SNX29: variants seen among roughly 807,000 people sequenced by gnomAD.
The protein encoded by SNX29 is sorting nexin-29.
SNX29 carries 78 observed loss-of-function variants against 102.1 expected under a neutral mutation model. That is an observed-to-expected ratio of 0.76 (90% CI 0.64 to 0.92). The LOEUF (loss-of-function observed/expected upper bound fraction) is 0.92. Ranked by LOEUF, SNX29 falls within the 40% of genes least tolerant of loss-of-function variation. The pLI, the probability that SNX29 is intolerant of heterozygous loss-of-function variation, is 0.00. For missense variants in SNX29, 1,280 were observed against 1,061.7 expected (o/e 1.21, Z -2.86); for synonymous variants, 580 against 414.5 (o/e 1.40, Z -4.85).
At chr16:12,474,243 G>T (rs376850658) in intron 18 of SNX29, among the ~76,000 whole-genome samples, 1 of 152,288 alleles carries the variant, frequency 6.6e-6, no homozygotes, top group African/African-American at 2.4e-5. Context: ...ATTAACTTGC[G>T]GCTGGGCAGT....
At chr16:12,030,786 C>T (rs539161026) in intron 4 of SNX29, among the ~76,000 whole-genome samples, 158 of 152,266 alleles carry the variant, frequency 1.0e-3, no homozygotes, top group African/African-American at 3.7e-3. Context: ...GGCTCTCTTC[C>T]CTACTGGCTG....
At chr16:12,421,621 C>T (rs566285776) in intron 18 of SNX29, among the ~76,000 whole-genome samples, 7 of 152,302 alleles carry the variant, frequency 4.6e-5, no homozygotes, top group South Asian at 2.1e-4. Flanking sequence ...GAGAACTTGA[C>T]GCAATGTCTG....
intron 19 of SNX29, among the ~76,000 whole-genome samples, chr16:12,492,998 T>C (rs1567619439): frequency 6.6e-6 from 1 of 152,244 alleles, no homozygotes; most frequent in Non-Finnish European, 1.5e-5. Flanking sequence ...TGGCTTAGGA[T>C]TGACTTGGCA....
chr16:12,252,556 T>C (rs1301137827), intron 14 of SNX29, among the ~76,000 whole-genome samples: 1 of 152,234 alleles, frequency 6.6e-6, no homozygotes, highest in African/African-American at 2.4e-5. Context: ...CATCACCCAA[T>C]AATAATCACA....
chr16:12,403,423 GTCTC>G (rs755622704), intron 17 of SNX29, 21 bp from the exon 18 acceptor site: 123 of 1,577,504 alleles, frequency 7.8e-5, no homozygotes, highest in Non-Finnish European at 8.8e-5. Context: ...TCTAATGTTG[GTCTC>G]TCTCTCTTCC....
At chr16:12,369,862 C>T (rs1184971432) in intron 16 of SNX29, among the ~76,000 whole-genome samples, 1 of 152,198 alleles carries the variant, frequency 6.6e-6, no homozygotes, top group East Asian at 1.9e-4. Flanking sequence ...GTCACACCTT[C>T]CGCACAAGTT....
intron 18 of SNX29, among the ~76,000 whole-genome samples, chr16:12,434,940 T>C (rs1402247114): frequency 6.7e-6 from 1 of 148,294 alleles, no homozygotes; most frequent in Non-Finnish European, 1.5e-5. Flanking sequence ...GAACTGGCAC[T>C]TGGTGTCTTT....
intron 10 of SNX29, among the ~76,000 whole-genome samples, chr16:12,076,034 G>C (rs780769469): frequency 1.3e-5 from 2 of 152,170 alleles, no homozygotes; most frequent in Non-Finnish European, 2.9e-5. Flanking sequence ...GCAGTATTTG[G>C]GTGGGAGTGG....
intron 13 of SNX29, among the ~76,000 whole-genome samples, chr16:12,154,156 T>A (rs891476633): frequency 4.6e-5 from 7 of 152,188 alleles, no homozygotes; most frequent in Non-Finnish European, 8.8e-5. Context: ...CGACCCCACC[T>A]CTTTTTTCCC....
chr16:12,210,206 C>T (rs943670147), intron 14 of SNX29, among the ~76,000 whole-genome samples: 4 of 152,186 alleles, frequency 2.6e-5, no homozygotes, highest in Non-Finnish European at 5.9e-5. Context: ...CCACTGCTGT[C>T]ACAGTGCTGC....
chr16:12,207,519 C>A (rs953240391), intron 14 of SNX29, among the ~76,000 whole-genome samples: 5 of 152,182 alleles, frequency 3.3e-5, no homozygotes, highest in African/African-American at 1.2e-4. Flanking sequence ...CATCTCCGTT[C>A]CCGACCCTTC....
At chr16:12,392,100 C>G (rs1292725633) in intron 16 of SNX29, among the ~76,000 whole-genome samples, 1 of 152,180 alleles carries the variant, frequency 6.6e-6, no homozygotes, top group African/African-American at 2.4e-5. Context: ...GCTAATACTT[C>G]AAGAGGATAG....
chr16:12,281,048 C>T (rs539857801), intron 15 of SNX29, among the ~76,000 whole-genome samples: 3 of 152,310 alleles, frequency 2.0e-5, no homozygotes, highest in African/African-American at 7.2e-5. Flanking sequence ...GCTGAGACTA[C>T]AGGCATGTGC....
At chr16:12,445,918 C>T (rs1029186976) in intron 18 of SNX29, among the ~76,000 whole-genome samples, 1 of 152,186 alleles carries the variant, frequency 6.6e-6, no homozygotes, top group Non-Finnish European at 1.5e-5. Flanking sequence ...GGACACTAAG[C>T]TAGTAAATGT....
chr16:12,389,403 G>C lies in SNX29; in HGVS notation c.1900-9043G>C, dbSNP rs149755367. Among the ~76,000 whole-genome samples, 511 of 152,232 alleles carry C rather than the reference G, an allele frequency of 3.4e-3. 3 individuals carry two copies. The highest frequency in any genetic ancestry group is 0.012 in the African/African-American group (492 of 41,518). ...ATACTGTTCTCATGGTAGTGATTAA[G>C]TCTCATGAGATCTGAGGGTTTTATA... On this transcript the variant is annotated intron_variant, in intron 16 of 20. Transcript: ENST00000566228.
rs994973131 is a variant in SNX29, at chr16:12,464,843, A to G, written c.2038-12876A>G. On this transcript the variant is annotated intron_variant, in intron 18 of 20. Transcript: ENST00000566228. ...TATTTGTTGGAGGTGCCTTCATACTATTTTCTATGATTTACTTTCCTGCCA... is the reference window on the plus strand; with the variant it reads ...TATTTGTTGGAGGTGCCTTCATACTGTTTTCTATGATTTACTTTCCTGCCA... Among the ~76,000 whole-genome samples, 8 of 151,802 alleles carry G rather than the reference A, an allele frequency of 5.3e-5. No homozygotes were observed. The South Asian group carries it at 1.5e-3, about 28-fold the overall frequency.
chr16:12,054,113 G>A (rs1325948980), intron 8 of SNX29, among the ~76,000 whole-genome samples: 15 of 151,940 alleles, frequency 9.9e-5, no homozygotes, highest in Admixed American at 7.2e-4. Flanking sequence ...GACTGCAAGC[G>A]TCCGCCACCA....
chr16:12,241,398 G>A (rs2078100541), intron 14 of SNX29, among the ~76,000 whole-genome samples: 1 of 152,038 alleles, frequency 6.6e-6, no homozygotes. Context: ...CATGATCAAG[G>A]ACTTGGTGTT....
chr16:12,192,569 T>C (rs964127293), intron 13 of SNX29, among the ~76,000 whole-genome samples: 2 of 152,202 alleles, frequency 1.3e-5, no homozygotes, highest in African/African-American at 4.8e-5. Context: ...TGGAGTGCAA[T>C]GGTGCGATCA....
Sources: allele counts gnomAD v4.1 joint callset (sites outside exome capture counted in the v4.1 genomes callset), GRCh38; gene constraint gnomAD v4.1.1; transcripts MANE v1.5; gene names NCBI Gene and HGNC (gene_info 2026-07-23, HGNC 2026-07-21).